The following ITGA9 variants were observed in gnomAD, a reference collection of about 807,000 sequenced individuals.
The protein encoded by ITGA9 is integrin alpha-9.
A neutral mutation model predicts 127.8 loss-of-function variants in ITGA9; 56 were observed. That is an observed-to-expected ratio of 0.44 (90% CI 0.35 to 0.55). The LOEUF (loss-of-function observed/expected upper bound fraction) is 0.55. Ranked by LOEUF, ITGA9 falls within the 20% of genes least tolerant of loss-of-function variation. ITGA9 has a pLI of 0.00. For missense variants in ITGA9, 1,196 were observed against 1,347.1 expected, an observed-to-expected ratio of 0.89 and a Z score of 1.76; for synonymous variants, 508 against 514.5, an observed-to-expected ratio of 0.99 and a Z score of 0.17.
At chr3:37,692,412 A>AGAGTGTGTGTGTGT (rs1553658497) in intron 18 of ITGA9, among the ~76,000 whole-genome samples, 1 of 145,968 alleles carries the variant, frequency 6.9e-6, no homozygotes, top group African/African-American at 2.5e-5. Context: ...AGAGAGAGAG[A>AGAGTGTGTGTGTGT]GTGTGTGTGT....
intron 19 of ITGA9, among the ~76,000 whole-genome samples, chr3:37,735,316 G>T (rs995276741): frequency 6.6e-6 from 1 of 152,028 alleles, no homozygotes; most frequent in Admixed American, 6.6e-5. Context: ...TTCCCGCCCT[G>T]TCTCCATGCC....
chr3:37,496,785 G>A (rs1698735036), intron 5 of ITGA9, among the ~76,000 whole-genome samples: 1 of 152,130 alleles, frequency 6.6e-6, no homozygotes, highest in African/African-American at 2.4e-5. Flanking sequence ...CTGCTGCTAG[G>A]ACATGCCGGA....
intron 23 of ITGA9, among the ~76,000 whole-genome samples, chr3:37,753,105 G>A (rs866561523): frequency 3.9e-5 from 6 of 152,216 alleles, no homozygotes; most frequent in African/African-American, 1.4e-4. Flanking sequence ...TGTGGACCTA[G>A]TGTCTGTCCA....
chr3:37,599,121 C>G (rs932981614), intron 15 of ITGA9, among the ~76,000 whole-genome samples: 1 of 152,238 alleles, frequency 6.6e-6, no homozygotes, highest in Admixed American at 6.5e-5. Flanking sequence ...CCCTGAGCAA[C>G]AGAAGTGCAT....
chr3:37,558,413 C>A (rs1027286335), intron 15 of ITGA9, among the ~76,000 whole-genome samples: 2 of 152,136 alleles, frequency 1.3e-5, no homozygotes, highest in Non-Finnish European at 2.9e-5. Context: ...TGCCTGCATT[C>A]GGGGCACTGT....
chr3:37,792,306 A>T (rs1405098008), intron 26 of ITGA9, among the ~76,000 whole-genome samples: 1 of 152,248 alleles, frequency 6.6e-6, no homozygotes, highest in African/African-American at 2.4e-5. Flanking sequence ...CAAAAGAGAC[A>T]TGATCCGTGC....
intron 18 of ITGA9, among the ~76,000 whole-genome samples, chr3:37,730,701 G>A (rs1291913181): frequency 6.6e-6 from 1 of 152,178 alleles, no homozygotes; most frequent in African/African-American, 2.4e-5. Flanking sequence ...TGCTCAGGGC[G>A]CGTTCTGAAT....
chr3:37,562,639 G>T (rs1158031961), intron 15 of ITGA9, among the ~76,000 whole-genome samples: 1 of 152,114 alleles, frequency 6.6e-6, no homozygotes, highest in East Asian at 1.9e-4. Flanking sequence ...CCTACCTCTT[G>T]GAGCGATAGC....
intron 15 of ITGA9, among the ~76,000 whole-genome samples, chr3:37,590,197 G>T (rs945110895): frequency 2.0e-5 from 3 of 152,186 alleles, no homozygotes; most frequent in Non-Finnish European, 4.4e-5. Context: ...AAAGCAGGTT[G>T]TGGCCACCCT....
chr3:37,646,904 G>A (rs1700383236), intron 16 of ITGA9, among the ~76,000 whole-genome samples: 1 of 151,968 alleles, frequency 6.6e-6, no homozygotes, highest in Non-Finnish European at 1.5e-5. Flanking sequence ...CCAAGGAGAA[G>A]TCATTTCTAC....
intron 16 of ITGA9, among the ~76,000 whole-genome samples, chr3:37,630,792 G>T (rs540044803): frequency 4.6e-5 from 7 of 152,330 alleles, no homozygotes; most frequent in African/African-American, 1.7e-4. Context: ...AGAGTGGCCT[G>T]TAAGTCCCAC....
chr3:37,488,699 G>A (rs1197908030), intron 4 of ITGA9, among the ~76,000 whole-genome samples: 2 of 151,738 alleles, frequency 1.3e-5, no homozygotes, highest in African/African-American at 4.9e-5. Flanking sequence ...TTGGGAGGGT[G>A]AGGCACGAGA....
intron 1 of ITGA9, among the ~76,000 whole-genome samples, chr3:37,467,079 C>T (rs1031492049): frequency 1.3e-5 from 2 of 152,148 alleles, no homozygotes; most frequent in Non-Finnish European, 2.9e-5. Context: ...GGCTGGCCTG[C>T]GGTAGTCTTG....
chr3:37,539,902 C>A (rs11916370), intron 14 of ITGA9, among the ~76,000 whole-genome samples: 5,250 of 152,216 alleles, frequency 0.034, 114 homozygotes, highest in Non-Finnish European at 0.05. Flanking sequence ...GGAGCTGGGG[C>A]CCTGCATTAT....
chr3:37,617,011 T>G (rs1322244071), intron 15 of ITGA9, among the ~76,000 whole-genome samples: 1 of 152,262 alleles, frequency 6.6e-6, no homozygotes, highest in Non-Finnish European at 1.5e-5. Flanking sequence ...CATTATGATG[T>G]TAGCTGGTTA....
At chr3:37,789,619 ATG>A (rs1697082964) in intron 26 of ITGA9, among the ~76,000 whole-genome samples, 1 of 150,650 alleles carries the variant, frequency 6.6e-6, no homozygotes, top group Non-Finnish European at 1.5e-5. Context: ...AAAAAAAAAA[ATG>A]AGCTGGGTGT....
chr3:37,767,075 G>A (rs1696787973), intron 23 of ITGA9, among the ~76,000 whole-genome samples: 1 of 152,222 alleles, frequency 6.6e-6, no homozygotes, highest in Non-Finnish European at 1.5e-5. Flanking sequence ...TTTCCAGCAT[G>A]TTGGCCTGTC....
chr3:37,756,392 A>C (rs1696652963), intron 23 of ITGA9, among the ~76,000 whole-genome samples: 1 of 152,198 alleles, frequency 6.6e-6, no homozygotes, highest in Non-Finnish European at 1.5e-5. Context: ...ATTCACAGTC[A>C]TTGCAAGAAA....
chr3:37,699,596 T>G (rs1311548918), intron 18 of ITGA9, among the ~76,000 whole-genome samples: 2 of 152,214 alleles, frequency 1.3e-5, no homozygotes, highest in African/African-American at 4.8e-5. Context: ...TGCTTCCACC[T>G]TTACCTCTTA....
Sources: allele counts gnomAD v4.1 joint callset (sites outside exome capture counted in the v4.1 genomes callset), GRCh38; gene constraint gnomAD v4.1.1; transcripts MANE v1.5; gene names NCBI Gene and HGNC (gene_info 2026-07-23, HGNC 2026-07-21).